The following BRINP1 variants were observed in gnomAD, a reference collection of about 807,000 sequenced individuals.
BRINP1 encodes BMP/retinoic acid-inducible neural-specific protein 1.
BRINP1 carries 17 observed loss-of-function variants against 72.9 expected under a neutral mutation model. The observed-to-expected ratio is 0.23, with a 90% CI of 0.16 to 0.35. The LOEUF (loss-of-function observed/expected upper bound fraction) is 0.35, where lower values mean the gene tolerates loss of function less well. BRINP1 is among the 10% of genes least tolerant of loss of function. BRINP1 has a pLI of 1.00. For synonymous variants in BRINP1, 418 were observed against 378.5 expected (o/e 1.10, Z -1.21); for missense variants, 850 against 1,001.6 (o/e 0.85, Z 2.04).
rs1830907067 is a variant in BRINP1 at position 119,298,706 on chromosome 9, C to T, written c.218+14432G>A. On this transcript the variant is annotated intron_variant, in intron 2 of 7. Transcript: ENST00000265922. Reference sequence around the variant, plus strand: ...GCTTCCTGCCATGATTACTCCAGAACTTGCCATCTCCCAACACCCTTCTAG... The same window carrying T: ...GCTTCCTGCCATGATTACTCCAGAATTTGCCATCTCCCAACACCCTTCTAG... Among the ~76,000 whole-genome samples the T allele has an allele frequency of 2.6e-5, 4 of 152,302 alleles. No homozygotes were observed. In the South Asian group the frequency reaches 8.3e-4, roughly 32 times the overall value.
At chr9:119,367,156 A>G (rs1271358754) in intron 1 of BRINP1, among the ~76,000 whole-genome samples, 3 of 147,672 alleles carry the variant, frequency 2.0e-5, no homozygotes, top group Non-Finnish European at 4.5e-5. Flanking sequence ...TCCTACAAAT[A>G]CATGTTTGCT....
rs999065357 is a variant in BRINP1, at chr9:119,167,129, C to T, written c.2241G>A (p.Thr747=). ...RVNHALDLYN[T]EILKQSDQMT... ...TCTGGTCCGACTGTTTGAGGATCTC[C>T]GTGTTGTACAGGTCCAAGGCGTGGT... Residue 747 remains threonine, a synonymous_variant, in exon 8 of 8, where the codon ACG becomes ACA. Coordinates refer to ENST00000265922, the MANE Select transcript of BRINP1 (RefSeq NM_014618.3). This position sits in a 1 kb window ranked among gnomAD's most constrained non-coding sequence, Gnocchi z 4.3. The T allele has an allele frequency of 1.1e-5, 18 of 1,613,190 alleles. No individual in the cohort carries two copies. Among genetic ancestry groups the T allele is most frequent in the East Asian group, 1.1e-4 (5 of 44,836 alleles).
At chr9:119,201,411 CTTG>C (rs1331918305) in intron 7 of BRINP1, among the ~76,000 whole-genome samples, 6 of 152,102 alleles carry the variant, frequency 3.9e-5, no homozygotes, top group Admixed American at 6.5e-5. Context: ...ATAATTGAGT[CTTG>C]TTGTTTTTGT....
intron 2 of BRINP1, among the ~76,000 whole-genome samples, chr9:119,283,514 A>G (rs1830732654): frequency 6.6e-6 from 1 of 152,192 alleles, no homozygotes; most frequent in Non-Finnish European, 1.5e-5. Flanking sequence ...GTGAAATTCA[A>G]CATCAAACAA....
chr9:119,367,090 C>A (rs1190241963), intron 1 of BRINP1, among the ~76,000 whole-genome samples: 1 of 151,580 alleles, frequency 6.6e-6, no homozygotes, highest in Non-Finnish European at 1.5e-5. Context: ...AGCCTCTGGA[C>A]AGAGAATGGT....
At chr9:119,326,514 A>AGTT (rs1298195127) in intron 1 of BRINP1, among the ~76,000 whole-genome samples, 2 of 152,204 alleles carry the variant, frequency 1.3e-5, no homozygotes, top group Admixed American at 6.5e-5. Context: ...TATAAACCTA[A>AGTT]GTTATGTATA....
chr9:119,263,151 T>C (rs1830513859), intron 2 of BRINP1, among the ~76,000 whole-genome samples: 1 of 152,188 alleles, frequency 6.6e-6, no homozygotes, highest in African/African-American at 2.4e-5. Flanking sequence ...ATCTGTGTTA[T>C]TTTGACGTGA....
At chr9:119,333,516 A>G (rs1303394852) in intron 1 of BRINP1, among the ~76,000 whole-genome samples, 1 of 152,056 alleles carries the variant, frequency 6.6e-6, no homozygotes, top group East Asian at 1.9e-4. Flanking sequence ...TTCAAATAAA[A>G]AAAAATAAAT....
chr9:119,272,730 T>C (rs1292430219), intron 2 of BRINP1, among the ~76,000 whole-genome samples: 1 of 152,238 alleles, frequency 6.6e-6, no homozygotes, highest in African/African-American at 2.4e-5. Flanking sequence ...CTCGCTTCCC[T>C]GCTGGTCAAA....
chr9:119,288,441 A>T (rs1830788937), intron 2 of BRINP1, among the ~76,000 whole-genome samples: 1 of 152,188 alleles, frequency 6.6e-6, no homozygotes, highest in Admixed American at 6.5e-5. Context: ...GGATGACTAG[A>T]CCTGGGCCTT....
At chr9:119,280,387 C>T (rs375772861) in intron 2 of BRINP1, among the ~76,000 whole-genome samples, 4 of 151,068 alleles carry the variant, frequency 2.6e-5, no homozygotes, top group Non-Finnish European at 5.9e-5. Flanking sequence ...TACAGGCACC[C>T]GCCACCACAC....
intron 2 of BRINP1, among the ~76,000 whole-genome samples, chr9:119,265,558 T>C (rs1246468468): frequency 1.3e-5 from 2 of 151,962 alleles, no homozygotes; most frequent in South Asian, 2.1e-4. Context: ...GATCACGCCA[T>C]TGCACTCCAG....
rs1473785 is a variant in BRINP1, at chr9:119,238,678, G to C, written c.662C>G (p.Thr221Arg). The C allele has an allele frequency of 3.7e-6, 6 of 1,610,502 alleles. No individual in the cohort carries two copies. The Admixed American group carries it at 8.4e-5, about 23-fold the overall frequency. Residue 221 changes from threonine (T) to arginine (R), a missense_variant, in exon 5 of 8, where the codon ACG (threonine) becomes AGG (arginine). Transcript: ENST00000265922. The stretch of plus-strand genomic sequence containing the variant: ...ACCTTGAAGGTGCAGTTTGCTCTCC[G>C]TGCTTTGCAGAAGGACGGAACTCAC... Reference protein sequence around the residue: ...DSVSSVLLQSTESKLHLQGLQ... With the variant: ...DSVSSVLLQSRESKLHLQGLQ...
intron 2 of BRINP1, among the ~76,000 whole-genome samples, chr9:119,259,170 G>A (rs931270196): frequency 6.6e-6 from 1 of 152,234 alleles, no homozygotes; most frequent in African/African-American, 2.4e-5. Context: ...ACTGTGGGAT[G>A]AGCACAGACT....
At chr9:119,364,128 C>T (rs1322079336) in intron 1 of BRINP1, among the ~76,000 whole-genome samples, 1 of 150,306 alleles carries the variant, frequency 6.7e-6, no homozygotes, top group Non-Finnish European at 1.5e-5. Context: ...GCAGATGCTA[C>T]AGAAGACAGG....
chr9:119,189,023 A>G (rs1026144031), intron 7 of BRINP1, among the ~76,000 whole-genome samples: 6 of 152,224 alleles, frequency 3.9e-5, no homozygotes, highest in African/African-American at 1.4e-4. Flanking sequence ...TAAAACATAT[A>G]AATTGTGGCA....
intron 7 of BRINP1, among the ~76,000 whole-genome samples, chr9:119,207,562 C>G (rs1246675070): frequency 1.3e-5 from 2 of 152,166 alleles, no homozygotes; most frequent in East Asian, 3.9e-4. Flanking sequence ...TACCCCTAAC[C>G]CTTGCTACGA....
At chr9:119,276,081 C>T (rs1026547909) in intron 2 of BRINP1, among the ~76,000 whole-genome samples, 2 of 152,090 alleles carry the variant, frequency 1.3e-5, no homozygotes, top group African/African-American at 4.8e-5. Flanking sequence ...CCTTCCCTCT[C>T]TTTCATGCTT....
At chr9:119,285,534 G>C (rs1340924956) in intron 2 of BRINP1, among the ~76,000 whole-genome samples, 1 of 152,114 alleles carries the variant, frequency 6.6e-6, no homozygotes, top group Non-Finnish European at 1.5e-5. Flanking sequence ...TTAGAGGTGT[G>C]GTTTCAGCTT....
Sources: gnomAD v4.1 joint callset for allele counts (sites outside exome capture counted in the v4.1 genomes callset) on GRCh38, gnomAD v4.1.1 for gene constraint, Gnocchi (gnomAD v3.1) non-coding constraint, MANE v1.5 for transcripts, NCBI Gene and HGNC (gene_info 2026-07-23, HGNC 2026-07-21) for gene names.